GPC3: variants seen among roughly 807,000 people sequenced by gnomAD.
The protein encoded by GPC3 is glypican 3.
In GPC3, 3 loss-of-function variants were observed where a neutral mutation model predicts 34.4. The ratio of observed to expected loss-of-function variants is 0.09; its 90% CI spans 0.04 to 0.23. The LOEUF is 0.23. GPC3 is among the 10% of genes least tolerant of loss of function. GPC3 has a pLI of 1.00. For missense variants in GPC3, 351 were observed against 445.6 expected, an observed-to-expected ratio of 0.79 and a Z score of 1.91; for synonymous variants, 177 against 174.0, an observed-to-expected ratio of 1.02 and a Z score of -0.13.
intron 1 of GPC3, among the ~76,000 whole-genome samples, chrX:133,969,887 C>T (rs2076482914): frequency 9.0e-6 from 1 of 111,712 alleles, no homozygotes; most frequent in South Asian, 3.8e-4. Context: ...ACTAAAAGCT[C>T]ATTAAAGAGT....
intron 3 of GPC3, among the ~76,000 whole-genome samples, chrX:133,732,025 C>T (rs1268093661): frequency 8.9e-6 from 1 of 111,879 alleles, no homozygotes; most frequent in Non-Finnish European, 1.9e-5. Context: ...CTGTGGTGGA[C>T]GTGAGATAGG....
chrX:133,627,252 A>G (rs1160034985), intron 6 of GPC3, among the ~76,000 whole-genome samples: 3 of 109,124 alleles, frequency 2.7e-5, no homozygotes, highest in African/African-American at 1.0e-4. Context: ...AACATGGCAC[A>G]TGTATACATA....
chrX:133,659,980 GC>G (rs1037482408), intron 6 of GPC3, among the ~76,000 whole-genome samples: 5 of 111,598 alleles, frequency 4.5e-5, no homozygotes, highest in Non-Finnish European at 7.5e-5. Context: ...ATCTAGCAAG[GC>G]TTGATAGAAC....
intron 7 of GPC3, among the ~76,000 whole-genome samples, chrX:133,562,747 A>T (rs1355641118): frequency 1.8e-5 from 2 of 111,971 alleles, no homozygotes; most frequent in Non-Finnish European, 3.8e-5. Flanking sequence ...GTCCATTCTG[A>T]GTAGATACTA....
intron 6 of GPC3, among the ~76,000 whole-genome samples, chrX:133,611,760 T>A (rs963594094): frequency 3.6e-5 from 4 of 112,089 alleles, no homozygotes; most frequent in Non-Finnish European, 7.5e-5. Flanking sequence ...GATTATAATT[T>A]ATACATCTTT....
At chrX:133,616,190 G>A (rs942683698) in intron 6 of GPC3, among the ~76,000 whole-genome samples, 2 of 111,816 alleles carry the variant, frequency 1.8e-5, no homozygotes, top group African/African-American at 6.5e-5. Flanking sequence ...CAGCGAGATT[G>A]TAGAATACAC....
chrX:133,968,292 C>A (rs192477622), intron 1 of GPC3, among the ~76,000 whole-genome samples: 1 of 112,330 alleles, frequency 8.9e-6, no homozygotes, highest in Non-Finnish European at 1.9e-5. Flanking sequence ...CTTCTCCTAC[C>A]AAGAGCAGGG....
intron 7 of GPC3, among the ~76,000 whole-genome samples, chrX:133,595,068 G>T (rs2069897585): frequency 9.1e-6 from 1 of 110,364 alleles, no homozygotes; most frequent in Non-Finnish European, 1.9e-5. Context: ...CAAAAAGGAA[G>T]AAAAAGTCAA....
At chrX:133,584,603 C>T (rs973840244) in intron 7 of GPC3, among the ~76,000 whole-genome samples, 2 of 111,898 alleles carry the variant, frequency 1.8e-5, no homozygotes, top group African/African-American at 3.2e-5. Flanking sequence ...CTCACCCTCC[C>T]GAGTAGCTGG....
chrX:133,545,513 T>TA (rs1364781236), intron 7 of GPC3, among the ~76,000 whole-genome samples: 1 of 110,382 alleles, frequency 9.1e-6, no homozygotes. Flanking sequence ...ACCCATCTGT[T>TA]AAAAAAAGAC....
chrX:133,964,911 C>A (rs777144986), intron 1 of GPC3, among the ~76,000 whole-genome samples: 5 of 111,287 alleles, frequency 4.5e-5, no homozygotes, highest in South Asian at 7.8e-4. Context: ...TCAGGAAGCA[C>A]ACTGACATTT....
chrX:133,903,113 T>C (rs1356867511), intron 2 of GPC3, among the ~76,000 whole-genome samples: 2 of 106,304 alleles, frequency 1.9e-5, no homozygotes, highest in East Asian at 5.9e-4. Flanking sequence ...ATTGTGCCAC[T>C]GCACTCCAGC....
intron 2 of GPC3, among the ~76,000 whole-genome samples, chrX:133,879,905 G>A (rs1363318900): frequency 9.0e-6 from 1 of 111,316 alleles, no homozygotes; most frequent in Non-Finnish European, 1.9e-5. Context: ...TTTTTACATA[G>A]TTTAAACTGT....
intron 6 of GPC3, among the ~76,000 whole-genome samples, chrX:133,658,666 A>G (rs1165876281): frequency 8.9e-6 from 1 of 112,251 alleles, no homozygotes; most frequent in Non-Finnish European, 1.9e-5. Context: ...TTGGAGTCCA[A>G]CCAATTTTAA....
At chrX:133,569,031 G>A (rs1309456935) in intron 7 of GPC3, among the ~76,000 whole-genome samples, 1 of 110,971 alleles carries the variant, frequency 9.0e-6, no homozygotes, top group Non-Finnish European at 1.9e-5. Flanking sequence ...GCATGGGCGT[G>A]GTGGCGATGC....
intron 1 of GPC3, among the ~76,000 whole-genome samples, chrX:133,954,664 C>T (rs181483763): frequency 9.4e-6 from 1 of 106,111 alleles, no homozygotes; most frequent in East Asian, 3.1e-4. Flanking sequence ...CCAATACTAA[C>T]AAATATTAGG....
intron 3 of GPC3, among the ~76,000 whole-genome samples, chrX:133,749,893 C>G (rs764504707): frequency 8.8e-4 from 98 of 111,459 alleles, no homozygotes; most frequent in Non-Finnish European, 1.3e-3. Context: ...CCGACTCCCC[C>G]TCGCCCTCAT....
intron 2 of GPC3, among the ~76,000 whole-genome samples, chrX:133,816,269 G>A (rs985026416): frequency 1.8e-5 from 2 of 111,303 alleles, no homozygotes; most frequent in African/African-American, 6.5e-5. Context: ...CACCCAGGCT[G>A]GTCTCAAACT....
At chrX:133,959,751 A>G (rs771620645) in intron 1 of GPC3, among the ~76,000 whole-genome samples, 1 of 112,653 alleles carries the variant, frequency 8.9e-6, no homozygotes. Context: ...AACCAAAGAT[A>G]AATTCATGCT....
Sources: allele counts gnomAD v4.1 joint callset (sites outside exome capture counted in the v4.1 genomes callset), GRCh38; gene constraint gnomAD v4.1.1; transcripts MANE v1.5; gene names NCBI Gene and HGNC (gene_info 2026-07-23, HGNC 2026-07-21).